Variants in CDH22 observed in about 807,000 individuals in gnomAD.
CDH22 encodes the protein cadherin 22, also known as cadherin-22.
In CDH22, 30 loss-of-function variants were observed where a neutral mutation model predicts 58.4. That is an observed-to-expected ratio of 0.51 (90% CI 0.38 to 0.70). The LOEUF (loss-of-function observed/expected upper bound fraction) is 0.70. CDH22 is among the 30% of genes least tolerant of loss of function. The probability of loss-of-function intolerance (pLI) is 0.00; values close to 1 mark genes in which losing one functional copy is unlikely to be tolerated. For missense variants in CDH22, 1,014 were observed against 1,233.9 expected, an observed-to-expected ratio of 0.82 and a Z score of 2.67; for synonymous variants, 513 against 558.2, an observed-to-expected ratio of 0.92 and a Z score of 1.14.
chr20:46,219,416 T>A (rs1250592398), intron 4 of CDH22, among the ~76,000 whole-genome samples: 2 of 152,206 alleles, frequency 1.3e-5, no homozygotes, highest in Non-Finnish European at 2.9e-5. Context: ...ACAACCACCA[T>A]ACTGACTTAA....
At position 46,186,948 on chromosome 20, in the gene CDH22, C is replaced by A; in HGVS notation, c.1424-1G>T. On this transcript the variant is annotated splice_acceptor_variant, in intron 8 of 11. Coordinates refer to ENST00000537909, the MANE Select transcript of CDH22 (RefSeq NM_021248.3). LOFTEE classifies it high-confidence loss of function. ...GCCCGGGATAGCTGTGCATGATTGT[C>A]TGTAATGAGAGCACAGGAGCAAGGG... 1 of 1,584,874 alleles carries A rather than the reference C, an allele frequency of 6.3e-7. No individual in the cohort carries two copies. The highest frequency in any genetic ancestry group is 1.2e-5 in the South Asian group (1 of 85,132).
At chr20:46,242,975 C>A (rs1387119153) in intron 2 of CDH22, among the ~76,000 whole-genome samples, 2 of 152,156 alleles carry the variant, frequency 1.3e-5, no homozygotes, top group South Asian at 2.1e-4. Context: ...TCAGAAACAC[C>A]TAAGTCCTTA....
chr20:46,180,642 C>A (rs912522418), intron 10 of CDH22, among the ~76,000 whole-genome samples: 1 of 152,128 alleles, frequency 6.6e-6, no homozygotes, highest in Non-Finnish European at 1.5e-5. Flanking sequence ...GCATTATTCC[C>A]ATTTTGTATA....
intron 1 of CDH22, among the ~76,000 whole-genome samples, chr20:46,269,689 C>T (rs2086478053): frequency 6.6e-6 from 1 of 152,190 alleles, no homozygotes; most frequent in Admixed American, 6.5e-5. Flanking sequence ...ACAGAGGATG[C>T]CAAGAGGAGC....
Position 46,174,343 on chromosome 20 carries a change from A to C in CDH22, c.*163T>G. On this transcript the variant is annotated 3_prime_UTR_variant, in exon 12 of 12. Coordinates refer to ENST00000537909, the MANE Select transcript of CDH22 (RefSeq NM_021248.3). The surrounding 1 kb of genome is among the most constrained non-coding windows in gnomAD (Gnocchi z 4.4). Reference sequence around the variant, plus strand: ...TCCAAAGCTGCACCCCTAGAGGAGGAGGAATGGAAGAGTCCGCTCCTAGCA... The same window carrying C: ...TCCAAAGCTGCACCCCTAGAGGAGGCGGAATGGAAGAGTCCGCTCCTAGCA... The C allele has an allele frequency of 1.8e-6, 1 of 544,466 alleles. No individual in the cohort carries two copies. The highest frequency in any genetic ancestry group is 3.2e-6 in the Non-Finnish European group (1 of 317,280). 33.7% of individuals were successfully genotyped at this position (544,466 alleles called of 1,614,324 possible).
intron 3 of CDH22, among the ~76,000 whole-genome samples, chr20:46,231,859 G>T (rs2086222489): frequency 1.3e-5 from 2 of 152,158 alleles, no homozygotes; most frequent in Non-Finnish European, 2.9e-5. Flanking sequence ...TACCCTTTCT[G>T]ATCCATTTCC....
At chr20:46,217,066 C>T (rs1050181333) in intron 4 of CDH22, 73 bp from the exon 5 acceptor site, 132 of 1,452,806 alleles carry the variant, frequency 9.1e-5, no homozygotes, top group East Asian at 3.5e-4. Flanking sequence ...CCTGTACAGG[C>T]GGGATTCAGA....
At chr20:46,294,912 G>A (rs2086621875) in intron 1 of CDH22, among the ~76,000 whole-genome samples, 1 of 152,242 alleles carries the variant, frequency 6.6e-6, no homozygotes, top group Non-Finnish European at 1.5e-5. Flanking sequence ...GCACCCGGCA[G>A]ACAGTAACAG....
rs75100965 is a variant in CDH22, at chr20:46,300,790, C to A, written c.-400+7465G>T. On this transcript the variant is annotated intron_variant, in intron 1 of 11. Transcript: ENST00000537909. The surrounding 1 kb of genome is among the most constrained non-coding windows in gnomAD (Gnocchi z 4.4). ...CACACGACTCCTGCCAAAAACGTCC[C>A]AGTGGTCCCTGAAGAAATCATCGGA... 0.017 allele frequency among the ~76,000 whole-genome samples: 2,520 copies of A among 152,324 alleles called. 62 individuals carry two copies. Among genetic ancestry groups the A allele is most frequent in the African/African-American group, 0.058 (2,391 of 41,560 alleles).
chr20:46,187,063 T>A, intron 8 of CDH22, 116 bp from the exon 9 acceptor site: 1 of 1,109,850 alleles, frequency 9.0e-7, no homozygotes, highest in Non-Finnish European at 1.3e-6. Flanking sequence ...ATTTGTGGGT[T>A]AACCAAGCTG....
At position 46,254,333 on chromosome 20, in the gene CDH22, T is replaced by A. The variant is rs541303427; in HGVS notation, c.-399-2640A>T. 9.8e-4 allele frequency among the ~76,000 whole-genome samples: 149 copies of A among 152,156 alleles called. 5 individuals are homozygous for A. The South Asian group carries it at 0.031, about 31-fold the overall frequency. ...ATTTTGGGAGGCCGAGGCAGGTGGATCACTTTAGGTCAGGAGTTCGAGACC... is the reference window on the plus strand; with the variant it reads ...ATTTTGGGAGGCCGAGGCAGGTGGAACACTTTAGGTCAGGAGTTCGAGACC... On this transcript the variant is annotated intron_variant, in intron 1 of 11. Coordinates refer to ENST00000537909, the MANE Select transcript of CDH22 (RefSeq NM_021248.3).
At chr20:46,190,909 G>A (rs1013550552) in intron 8 of CDH22, among the ~76,000 whole-genome samples, 2 of 152,144 alleles carry the variant, frequency 1.3e-5, no homozygotes, top group African/African-American at 4.8e-5. Flanking sequence ...TGTGCAGTGG[G>A]GCAGGTCTCT....
chr20:46,295,779 T>C (rs1248590121), intron 1 of CDH22, among the ~76,000 whole-genome samples: 1 of 152,214 alleles, frequency 6.6e-6, no homozygotes, highest in Non-Finnish European at 1.5e-5. Flanking sequence ...TATTTATTTG[T>C]AGAGGCAGGG....
At chr20:46,275,207 TC>T (rs1284028704) in intron 1 of CDH22, among the ~76,000 whole-genome samples, 1 of 152,090 alleles carries the variant, frequency 6.6e-6, no homozygotes, top group Non-Finnish European at 1.5e-5. Context: ...CCCTGTCCGC[TC>T]CCCCTCTCCC....
At position 46,226,350 on chromosome 20, in the gene CDH22, A is replaced by G. The variant is rs1410981700; in HGVS notation, c.670+1158T>C. Among the ~76,000 whole-genome samples, 4 of 147,190 alleles carry G rather than the reference A, an allele frequency of 2.7e-5. No individual in the cohort carries two copies. The East Asian group carries it at 8.0e-4, about 29-fold the overall frequency. On this transcript the variant is annotated intron_variant, in intron 4 of 11. Coordinates refer to ENST00000537909, the MANE Select transcript of CDH22 (RefSeq NM_021248.3). ...GCTCAGGCTAGAGTGTGATGGTGCC[A>G]TCATAGCTCACTGCAGCCTCGACCT...
rs2085721371 is a variant in CDH22 at position 46,174,588 on chromosome 20, A to G, written c.2405T>C (p.Leu802Pro). 6 of 1,533,486 alleles carry G rather than the reference A, an allele frequency of 3.9e-6. No individual in the cohort carries two copies. Among genetic ancestry groups the G allele is most frequent in the Non-Finnish European group, 4.4e-6 (5 of 1,145,030 alleles). The allele number at this position is 1,533,486 out of a possible 1,614,324, so 95.0% of individuals were successfully genotyped here. The change falls in exon 12 of 12, where the codon CTC (leucine) becomes CCC (proline). Residue 802 changes from leucine (L) to proline (P), a missense_variant. Physicochemically the swap from Leu to Pro is moderately conservative, Grantham distance 98. Around this residue, in one of 2 missense-constraint regions of CDH22, gnomAD observed 208 missense variants for 195.2 expected, o/e 1.07. Transcript: ENST00000537909. This position sits in a 1 kb window ranked among gnomAD's most constrained non-coding sequence, Gnocchi z 4.4. Reference protein sequence around the residue: ...SSGSEQDFAYLSSWGPRFRPL... With the variant: ...SSGSEQDFAYPSSWGPRFRPL... ...CCGGAAGCGCGGACCCCAGCTGCTG[A>G]GATAGGCGAAGTCCTGCTCGGAGCC... is the stretch of plus-strand genomic sequence containing the variant.
chr20:46,261,696 G>A (rs914795943), intron 1 of CDH22, among the ~76,000 whole-genome samples: 1 of 152,156 alleles, frequency 6.6e-6, no homozygotes, highest in African/African-American at 2.4e-5. Context: ...GTGCCTGCTG[G>A]ATCCTGAGCC....
intron 1 of CDH22, among the ~76,000 whole-genome samples, chr20:46,258,672 G>A (rs551361568): frequency 1.2e-4 from 18 of 152,320 alleles, no homozygotes; most frequent in Middle Eastern, 3.4e-3. Context: ...CCCTGGGTGT[G>A]CCCCCTGCCT....
intron 1 of CDH22, among the ~76,000 whole-genome samples, chr20:46,261,000 G>A (rs1011623083): frequency 1.3e-5 from 2 of 152,230 alleles, no homozygotes; most frequent in Non-Finnish European, 2.9e-5. Flanking sequence ...CCAAATTCCT[G>A]ATAATCCTTT....
Sources: allele counts gnomAD v4.1 joint callset (sites outside exome capture counted in the v4.1 genomes callset), GRCh38; gene constraint gnomAD v4.1.1; regional missense constraint gnomAD v4.1.1; non-coding constraint Gnocchi (gnomAD v3.1); transcripts MANE v1.5; gene names NCBI Gene and HGNC (gene_info 2026-07-23, HGNC 2026-07-21).